DNMT1: variants seen among roughly 807,000 people sequenced by gnomAD.
DNMT1 encodes DNA (cytosine-5)-methyltransferase 1.
In DNMT1, 24 loss-of-function variants were observed where a neutral mutation model predicts 205.3. That is an observed-to-expected ratio of 0.12 (90% confidence interval 0.08 to 0.16). The LOEUF (loss-of-function observed/expected upper bound fraction) is 0.16. Ranked by LOEUF, DNMT1 falls within the 10% of genes least tolerant of loss-of-function variation. DNMT1 has a pLI of 1.00. For synonymous variants in DNMT1, 817 were observed against 839.8 expected (o/e 0.97, Z 0.47); for missense variants, 1,293 against 2,177.7 (o/e 0.59, Z 8.09).
chr19:10,169,782 A>C (rs1283514220), intron 9 of DNMT1, among the ~76,000 whole-genome samples: 1 of 152,130 alleles, frequency 6.6e-6, no homozygotes, highest in Non-Finnish European at 1.5e-5. Flanking sequence ...AAATAAAAAA[A>C]ACGCTTAGCA....
At chr19:10,162,950 G>A in intron 12 of DNMT1, 1 of 584,274 alleles carries the variant, frequency 1.7e-6, no homozygotes, top group Non-Finnish European at 3.0e-6. Context: ...ATCACCACAG[G>A]TTTCTAGAAC....
chr19:10,190,576 A>G (rs1220161421), intron 1 of DNMT1, among the ~76,000 whole-genome samples: 1 of 151,986 alleles, frequency 6.6e-6, no homozygotes, highest in Non-Finnish European at 1.5e-5. Flanking sequence ...CAGCCTGGCC[A>G]ACACGGTAAA....
intron 9 of DNMT1, among the ~76,000 whole-genome samples, chr19:10,169,451 G>A (rs949670206): frequency 2.9e-4 from 44 of 151,970 alleles, no homozygotes; most frequent in Non-Finnish European, 5.9e-5. Context: ...CAGCTACTGG[G>A]GAGGTGGAGG....
intron 9 of DNMT1, 28 bp downstream of exon 9, chr19:10,173,062 A>C: frequency 6.2e-7 from 1 of 1,613,760 alleles, no homozygotes; most frequent in Non-Finnish European, 8.5e-7. Flanking sequence ...AGGGAGAATT[A>C]ACAAACTTAG....
intron 17 of DNMT1, among the ~76,000 whole-genome samples, chr19:10,157,418 G>A (rs2038480746): frequency 6.6e-6 from 1 of 152,196 alleles, no homozygotes; most frequent in Non-Finnish European, 1.5e-5. Context: ...CGGCCCCACT[G>A]TCCAGATGCC....
At chr19:10,139,533 G>C in intron 34 of DNMT1, 143 bp downstream of exon 34, 1 of 1,404,520 alleles carries the variant, frequency 7.1e-7, no homozygotes, top group Non-Finnish European at 9.7e-7. Context: ...GACTCCGCCA[G>C]TGGGACAGAG....
intron 38 of DNMT1, 56 bp from the exon 39 acceptor site, chr19:10,135,908 C>G: frequency 6.5e-7 from 1 of 1,527,730 alleles, no homozygotes; most frequent in Non-Finnish European, 8.8e-7. Flanking sequence ...GGGTCACCGT[C>G]GGGGACAGGG....
chr19:10,188,783 G>A (rs1219003406), intron 1 of DNMT1, among the ~76,000 whole-genome samples: 1 of 152,130 alleles, frequency 6.6e-6, no homozygotes, highest in East Asian at 1.9e-4. Flanking sequence ...GATGCAACCC[G>A]CAAATGCTGA....
At chr19:10,164,973 A>T (rs892784497) in intron 11 of DNMT1, among the ~76,000 whole-genome samples, 7 of 139,890 alleles carry the variant, frequency 5.0e-5, no homozygotes, top group African/African-American at 1.9e-4. Flanking sequence ...AACCAAACAG[A>T]CTGAATGCAA....
chr19:10,191,641 C>T (rs751429320), intron 1 of DNMT1, among the ~76,000 whole-genome samples: 1 of 152,086 alleles, frequency 6.6e-6, no homozygotes, highest in Non-Finnish European at 1.5e-5. Context: ...AAGCAGCAGA[C>T]CTTAGCAGGA....
intron 11 of DNMT1, among the ~76,000 whole-genome samples, chr19:10,166,352 G>C (rs1216663169): frequency 1.3e-5 from 2 of 152,134 alleles, no homozygotes; most frequent in East Asian, 3.9e-4. Context: ...GGCTCACACA[G>C]ACCCTCTCTA....
At position 10,139,250 on chromosome 19, in the gene DNMT1, T is replaced by C. The variant is rs114365671; in HGVS notation, c.3948+426A>G. ...CATCTGTGGGGGTTTGTGTGCGCAG[T>C]TACCCAGAGCAAAACTGTCTTTTAA... is the stretch of plus-strand genomic sequence containing the variant. On this transcript the variant is annotated intron_variant, in intron 34 of 40. Transcript: ENST00000359526. 6.5e-3 allele frequency among the ~76,000 whole-genome samples: 988 copies of C among 152,308 alleles called. 10 individuals are homozygous for C. The highest frequency in any genetic ancestry group is 0.023 in the African/African-American group (945 of 41,566).
At chr19:10,177,426 C>A in intron 5 of DNMT1, 59 bp from the exon 6 acceptor site, 1 of 1,529,310 alleles carries the variant, frequency 6.5e-7, no homozygotes, top group South Asian at 1.2e-5. Flanking sequence ...AATAGAAAGC[C>A]CACAGCAATA....
intron 11 of DNMT1, 24 bp from the exon 12 acceptor site, chr19:10,163,384 T>C (rs754170804): frequency 1.9e-6 from 3 of 1,612,192 alleles, no homozygotes; most frequent in African/African-American, 1.3e-5. Flanking sequence ...AAGGGGGAGG[T>C]AGAGAGATAA....
chr19:10,163,492 C>A, intron 11 of DNMT1, 132 bp from the exon 12 acceptor site: 1 of 886,950 alleles, frequency 1.1e-6, no homozygotes, highest in Non-Finnish European at 1.8e-6. Flanking sequence ...GGAAGACAGG[C>A]AGGCCTGGGC....
intron 1 of DNMT1, 66 bp downstream of exon 1, chr19:10,194,754 G>A: frequency 4.6e-6 from 7 of 1,521,494 alleles, no homozygotes; most frequent in South Asian, 2.5e-5. Context: ...ACCCCGAGGG[G>A]AAGCGACCCC....
At chr19:10,139,014 C>T (rs1053059382) in intron 34 of DNMT1, among the ~76,000 whole-genome samples, 1 of 152,230 alleles carries the variant, frequency 6.6e-6, no homozygotes, top group Admixed American at 6.5e-5. Context: ...CGCCCTGAGG[C>T]TGAGCTAGGG....
intron 24 of DNMT1, among the ~76,000 whole-genome samples, chr19:10,150,190 C>T (rs2038308488): frequency 6.6e-6 from 1 of 152,204 alleles, no homozygotes; most frequent in Non-Finnish European, 1.5e-5. Context: ...CCAAGGGCAT[C>T]CATGTCCCTC....
rs2089498230 is a variant in DNMT1, at chr19:10,137,089, C to A, written c.4485G>T (p.Val1495=). Residue 1495 remains valine (V), a synonymous_variant, in exon 37 of 41, where the codon GTG becomes GTT. Transcript: ENST00000359526. The surrounding 1 kb of genome is among the most constrained non-coding windows in gnomAD (Gnocchi z 6.4). Reference sequence around the variant, plus strand: ...ACCACAACTTACAGGACCCACCTTCCACGCAGGAGCAGACCCCACGGAGGG... The same window carrying A: ...ACCACAACTTACAGGACCCACCTTCAACGCAGGAGCAGACCCCACGGAGGG... ...SGALRGVCSC[V]EAGKACDPAA... 1.1e-5 allele frequency: 17 copies of A among 1,611,968 alleles called. No homozygotes were observed. The highest frequency in any genetic ancestry group is 1.4e-5 in the Non-Finnish European group (17 of 1,179,540).
Sources: gnomAD v4.1 joint callset for allele counts (sites outside exome capture counted in the v4.1 genomes callset) on GRCh38, gnomAD v4.1.1 for gene constraint, Gnocchi (gnomAD v3.1) non-coding constraint, MANE v1.5 for transcripts, NCBI Gene and HGNC (gene_info 2026-07-23, HGNC 2026-07-21) for gene names.